CEP126: variants seen among roughly 807,000 people sequenced by gnomAD.
CEP126 encodes the protein centrosomal protein 126.
CEP126 carries 74 observed loss-of-function variants against 107.8 expected under a neutral mutation model. The observed-to-expected ratio is 0.69, with a 90% CI of 0.57 to 0.83. The LOEUF (loss-of-function observed/expected upper bound fraction) is 0.83. Ranked by LOEUF, CEP126 falls within the 40% of genes least tolerant of loss-of-function variation. The probability of loss-of-function intolerance (pLI) is 0.00; values close to 1 mark genes in which losing one functional copy is unlikely to be tolerated. For missense variants in CEP126, 1,237 were observed against 1,281.9 expected (o/e 0.96, Z 0.53); for synonymous variants, 449 against 446.0 (o/e 1.01, Z -0.08).
rs931907092 is a variant in CEP126 at position 101,990,391 on chromosome 11, T to C, written c.3245-2387T>C. 2.0e-5 allele frequency among the ~76,000 whole-genome samples: 3 copies of C among 152,084 alleles called. No homozygotes were observed. The East Asian group carries it at 5.8e-4, about 29-fold the overall frequency. On this transcript the variant is annotated intron_variant, in intron 9 of 10. Coordinates refer to ENST00000263468, the MANE Select transcript of CEP126 (RefSeq NM_020802.4). ...AGAGGCAGCGTACCTTCTTGATTGC[T>C]CTCAAGGCACAGGTGAAGACTTACT...
chr11:101,922,679 A>C lies in CEP126; in HGVS notation c.167A>C (p.Glu56Ala). The C allele has an allele frequency of 6.2e-7, 1 of 1,608,012 alleles. No individual in the cohort carries two copies. Among genetic ancestry groups the C allele is most frequent in the East Asian group, 2.2e-5 (1 of 44,778 alleles). ...CATCTGGAGAAAAATTTAGAAGAAG[A>C]GCGCCAGATATTACTGCAGCAACAA... ...KIHLEKNLEE[E>A]RQILLQQQKI... The change falls in exon 2 of 11, where the codon GAG becomes GCG. Residue 56 changes from glutamate to alanine, a missense_variant. Around this residue, in one of 3 missense-constraint regions of CEP126, gnomAD observed 1,134 missense variants for 1,150.5 expected, o/e 0.99. Coordinates refer to ENST00000263468, the MANE Select transcript of CEP126 (RefSeq NM_020802.4).
At chr11:101,956,201 C>G (rs939681398) in intron 4 of CEP126, 7 of 456,304 alleles carry the variant, frequency 1.5e-5, no homozygotes, top group African/African-American at 8.0e-5. Flanking sequence ...ACATTTCCTT[C>G]CAGCACAGCA....
intron 9 of CEP126, among the ~76,000 whole-genome samples, chr11:101,987,449 G>T (rs775740074): frequency 6.6e-6 from 1 of 152,200 alleles, no homozygotes; most frequent in Non-Finnish European, 1.5e-5. Flanking sequence ...AAAAGATAAG[G>T]AGAGTGCAGC....
intron 7 of CEP126, among the ~76,000 whole-genome samples, chr11:101,978,949 T>C (rs1352820320): frequency 6.6e-6 from 1 of 151,850 alleles, no homozygotes; most frequent in African/African-American, 2.4e-5. Context: ...ACCAACATGG[T>C]GAAACCCCCG....
intron 4 of CEP126, among the ~76,000 whole-genome samples, chr11:101,948,804 A>G (rs905257995): frequency 1.3e-5 from 2 of 152,246 alleles, no homozygotes; most frequent in African/African-American, 4.8e-5. Context: ...TAAGTGAAAT[A>G]GTGCTTCAGA....
At chr11:101,919,696 C>G (rs773228918) in intron 1 of CEP126, among the ~76,000 whole-genome samples, 1 of 152,128 alleles carries the variant, frequency 6.6e-6, no homozygotes, top group Non-Finnish European at 1.5e-5. Flanking sequence ...AGTAGAAAAT[C>G]ATTTGGTTAA....
chr11:101,977,383 A>C (rs1360850374), intron 6 of CEP126, among the ~76,000 whole-genome samples: 1 of 152,120 alleles, frequency 6.6e-6, no homozygotes, highest in African/African-American at 2.4e-5. Flanking sequence ...CTGTAATCCC[A>C]GCACTTTGGG....
intron 2 of CEP126, among the ~76,000 whole-genome samples, chr11:101,928,382 T>C (rs890172741): frequency 1.3e-5 from 2 of 152,210 alleles, no homozygotes; most frequent in Non-Finnish European, 2.9e-5. Context: ...ATTCAGCTTA[T>C]TGGTTTTTCT....
chr11:101,963,058 A>T lies in CEP126; in HGVS notation c.2023A>T (p.Ser675Cys). The T allele has an allele frequency of 1.9e-6, 3 of 1,614,132 alleles. No individual in the cohort carries two copies. The highest frequency in any genetic ancestry group is 2.5e-6 in the Non-Finnish European group (3 of 1,179,976). Residue 675 changes from serine (S) to cysteine (C), a missense_variant, in exon 6 of 11, where the codon AGT (serine) becomes TGT (cysteine). Around this residue, in one of 3 missense-constraint regions of CEP126, gnomAD observed 1,134 missense variants for 1,150.5 expected, o/e 0.99. Coordinates refer to ENST00000263468, the MANE Select transcript of CEP126 (RefSeq NM_020802.4). Reference sequence around the variant, plus strand: ...AAGTGGTGCTGGAAGCAACATAATTAGTGTTTCTACTTGTGCTGTAAATTC... The same window carrying T: ...AAGTGGTGCTGGAAGCAACATAATTTGTGTTTCTACTTGTGCTGTAAATTC... ...IQSGAGSNII[S>C]VSTCAVNSAD...
intron 2 of CEP126, among the ~76,000 whole-genome samples, chr11:101,936,940 T>G (rs540632896): frequency 1.3e-5 from 2 of 152,190 alleles, no homozygotes; most frequent in Non-Finnish European, 2.9e-5. Flanking sequence ...TAATACAGAT[T>G]GAGTGCTCAT....
intron 2 of CEP126, among the ~76,000 whole-genome samples, chr11:101,935,163 T>A (rs116217756): frequency 1.8e-3 from 273 of 152,102 alleles, no homozygotes; most frequent in African/African-American, 6.1e-3. Flanking sequence ...TATTCAAATA[T>A]TTTGTCCGTG....
intron 1 of CEP126, among the ~76,000 whole-genome samples, chr11:101,919,971 A>G (rs146580231): frequency 1.6e-4 from 24 of 152,308 alleles, no homozygotes; most frequent in African/African-American, 4.6e-4. Flanking sequence ...AAAATATTCT[A>G]TCAGAGAAAA....
At chr11:101,967,482 G>T (rs1439565539) in intron 6 of CEP126, among the ~76,000 whole-genome samples, 1 of 152,032 alleles carries the variant, frequency 6.6e-6, no homozygotes, top group East Asian at 1.9e-4. Context: ...AATGTGCCAG[G>T]CATATTGGCT....
At chr11:101,964,752 A>G (rs1235464332) in intron 6 of CEP126, among the ~76,000 whole-genome samples, 1 of 152,090 alleles carries the variant, frequency 6.6e-6, no homozygotes, top group East Asian at 1.9e-4. Flanking sequence ...ATTTTTTTCC[A>G]TGACTTTTCC....
chr11:101,956,722 T>C, intron 4 of CEP126: 1 of 456,046 alleles, frequency 2.2e-6, no homozygotes, highest in Non-Finnish European at 4.4e-6. Flanking sequence ...CTTATTTAGC[T>C]TTTCCCTCTC....
At chr11:101,948,410 TA>T (rs911413650) in intron 4 of CEP126, among the ~76,000 whole-genome samples, 1 of 152,210 alleles carries the variant, frequency 6.6e-6, no homozygotes, top group African/African-American at 2.4e-5. Flanking sequence ...AAACACTTTT[TA>T]AATATTGATA....
chr11:101,946,511 A>AAAAT (rs1416304967), intron 3 of CEP126, among the ~76,000 whole-genome samples: 1 of 152,054 alleles, frequency 6.6e-6, no homozygotes, highest in Non-Finnish European at 1.5e-5. Context: ...TTATCTCAAA[A>AAAAT]AAATAAATAA....
rs775023727 is a variant in CEP126, at chr11:101,944,323, A to G, written c.307A>G (p.Ile103Val). 2 of 1,611,856 alleles carry G rather than the reference A, an allele frequency of 1.2e-6. No homozygotes were observed. Among genetic ancestry groups the G allele is most frequent in the African/African-American group, 1.3e-5 (1 of 74,908 alleles). The part of the protein sequence containing the change: ...EEKEHQIREQ[I>V]LQQRKQKFEE... Reference sequence around the variant, plus strand: ...AAAAGAACACCAAATTAGAGAACAAATACTTCAACAAAGAAAACAGAAGTT... The same window carrying G: ...AAAAGAACACCAAATTAGAGAACAAGTACTTCAACAAAGAAAACAGAAGTT... Residue 103 changes from isoleucine (I) to valine (V), a missense_variant, in exon 3 of 11, where the codon ATA (isoleucine) becomes GTA (valine). By Grantham distance (29) the Ile-to-Val change is conservative. Transcript: ENST00000263468.
At chr11:101,969,020 T>C (rs1941092828) in intron 6 of CEP126, among the ~76,000 whole-genome samples, 1 of 151,976 alleles carries the variant, frequency 6.6e-6, no homozygotes, top group Non-Finnish European at 1.5e-5. Flanking sequence ...ACTTATTTTG[T>C]TTTATTTTAT....
Sources: gnomAD v4.1 joint callset for allele counts (sites outside exome capture counted in the v4.1 genomes callset) on GRCh38, gnomAD v4.1.1 for gene constraint, gnomAD v4.1.1 regional missense constraint, MANE v1.5 for transcripts, NCBI Gene and HGNC (gene_info 2026-07-23, HGNC 2026-07-21) for gene names.